The following SLC5A12 variants were observed in gnomAD, a reference collection of about 807,000 sequenced individuals.
The protein encoded by SLC5A12 is sodium-coupled monocarboxylate transporter 2.
SLC5A12 carries 46 observed loss-of-function variants against 72.7 expected under a neutral mutation model. The ratio of observed to expected loss-of-function variants is 0.63; its 90% CI spans 0.50 to 0.81. The LOEUF is 0.81. Among genes scored for constraint, SLC5A12 ranks in the 30% least tolerant of loss-of-function variants. The probability of loss-of-function intolerance (pLI) is 0.00; values close to 1 mark genes in which losing one functional copy is unlikely to be tolerated. For synonymous variants in SLC5A12, 275 were observed against 264.4 expected (o/e 1.04, Z -0.39); for missense variants, 683 against 740.7 (o/e 0.92, Z 0.90).
At chr11:26,720,361 A>G (rs1224906387) in intron 1 of SLC5A12, among the ~76,000 whole-genome samples, 1 of 137,890 alleles carries the variant, frequency 7.3e-6, no homozygotes, top group African/African-American at 2.6e-5. Flanking sequence ...AAGTAAATAA[A>G]TACATGGAAA....
At chr11:26,716,031 T>C (rs1855342034) in intron 1 of SLC5A12, among the ~76,000 whole-genome samples, 1 of 152,190 alleles carries the variant, frequency 6.6e-6, no homozygotes, top group Admixed American at 6.6e-5. Flanking sequence ...ATACAAAGAT[T>C]GGCACTAGAA....
intron 9 of SLC5A12, 83 bp from the exon 10 acceptor site, chr11:26,686,627 T>C (rs1854542062): frequency 1.6e-6 from 2 of 1,228,360 alleles, no homozygotes; most frequent in Non-Finnish European, 2.4e-6. Context: ...CTCAGAACTG[T>C]CTCTGATCCA....
chr11:26,716,558 C>T (rs1197525248), intron 1 of SLC5A12, among the ~76,000 whole-genome samples: 2 of 151,984 alleles, frequency 1.3e-5, no homozygotes, highest in East Asian at 3.9e-4. Context: ...TGACATTTAC[C>T]AACATTATGA....
At chr11:26,674,610 C>T (rs1159937896) in intron 13 of SLC5A12, among the ~76,000 whole-genome samples, 1 of 151,972 alleles carries the variant, frequency 6.6e-6, no homozygotes, top group Admixed American at 6.6e-5. Flanking sequence ...ACCATGTTGG[C>T]CAAGCTGGTC....
chr11:26,701,695 T>A (rs1182765680), intron 6 of SLC5A12, among the ~76,000 whole-genome samples: 1 of 152,172 alleles, frequency 6.6e-6, no homozygotes, highest in African/African-American at 2.4e-5. Context: ...AACAATAAGT[T>A]CATTGGTGGC....
intron 13 of SLC5A12, 50 bp downstream of exon 13, chr11:26,678,662 T>A: frequency 4.5e-6 from 6 of 1,340,606 alleles, no homozygotes; most frequent in Non-Finnish European, 5.3e-6. Context: ...CACCAATGCA[T>A]GCATGAGCCC....
intron 9 of SLC5A12, among the ~76,000 whole-genome samples, chr11:26,686,794 T>G (rs565742838): frequency 1.3e-5 from 2 of 152,276 alleles, no homozygotes; most frequent in South Asian, 4.1e-4. Context: ...TCAAGGGTTA[T>G]CCTTCTAAGC....
Position 26,678,718 on chromosome 11 carries a change from T to C in SLC5A12, c.1573A>G (p.Ile525Val), listed in dbSNP as rs199733977. The C allele has an allele frequency of 4.3e-5, 69 of 1,611,814 alleles. 1 individual carries two copies. The highest frequency in any genetic ancestry group is 3.3e-4 in the Middle Eastern group (2 of 6,064). ...GGGAGGAATTATAACCAACCTGTTA[T>C]GAGGCTGATGATTACTCCAGCAACA... ...CIVAGVIISL[I>V]TGRQRGEDIQ... Residue 525 changes from isoleucine (I) to valine (V), a missense_variant, in exon 13 of 15, where the codon ATA becomes GTA. By Grantham distance (29) the Ile-to-Val change is conservative (BLOSUM62 3). Coordinates refer to ENST00000396005, the MANE Select transcript of SLC5A12 (RefSeq NM_178498.4).
Position 26,671,213 on chromosome 11 carries a change from A to G in SLC5A12, c.1746T>C (p.Ala582=). ...LENGSARKQG[A]ESVLQNGLRR... ...TGAGTCCGTTCTGTAAGACAGATTC[A>G]GCCCCCTGTTTCCGGGCACTGCCAT... Residue 582 remains alanine, a synonymous_variant, in exon 15 of 15, where the codon GCT becomes GCC. Transcript: ENST00000396005. The G allele has an allele frequency of 6.2e-7, 1 of 1,607,272 alleles. No homozygotes were observed. The highest frequency in any genetic ancestry group is 1.1e-5 in the South Asian group (1 of 89,874).
chr11:26,671,778 T>C (rs4619108), intron 14 of SLC5A12, among the ~76,000 whole-genome samples: 43,117 of 152,078 alleles, frequency 0.28, 6,313 homozygotes, highest in East Asian at 0.46. Context: ...TAATTAAGTT[T>C]ATTATTTATT....
intron 13 of SLC5A12, among the ~76,000 whole-genome samples, chr11:26,673,927 G>A (rs951414828): frequency 2.6e-5 from 4 of 152,182 alleles, no homozygotes; most frequent in East Asian, 1.9e-4. Context: ...GTCAGTATTT[G>A]TAAAATTAGA....
chr11:26,674,262 T>C (rs1419384622), intron 13 of SLC5A12, among the ~76,000 whole-genome samples: 5 of 152,022 alleles, frequency 3.3e-5, no homozygotes, highest in African/African-American at 1.2e-4. Context: ...GTCAGTGTAG[T>C]GTAAAGATCC....
At chr11:26,674,484 C>T (rs370485463) in intron 13 of SLC5A12, among the ~76,000 whole-genome samples, 130 of 152,186 alleles carry the variant, frequency 8.5e-4, no homozygotes, top group African/African-American at 3.1e-3. Flanking sequence ...AATGCAACCT[C>T]CGTCTCCCGG....
chr11:26,703,545 T>C lies in SLC5A12; in HGVS notation c.807A>G (p.Glu269=), dbSNP rs773478581. 6.8e-6 allele frequency: 11 copies of C among 1,613,592 alleles called. No homozygotes were observed. The highest frequency in any genetic ancestry group is 1.3e-5 in the African/African-American group (1 of 74,886). The stretch of plus-strand genomic sequence containing the variant: ...TGAGAACTTACAGCTTAGCATGCTT[T>C]TCTGTTTTGCAAGAGATGCATCGCT... The part of the protein sequence containing the change: ...TIQRCISCKT[E]KHAKLALYFN... Residue 269 remains glutamate (E), a synonymous_variant, in exon 6 of 15, where the codon GAA becomes GAG. Coordinates refer to ENST00000396005, the MANE Select transcript of SLC5A12 (RefSeq NM_178498.4).
intron 9 of SLC5A12, 122 bp downstream of exon 9, chr11:26,692,367 T>A: frequency 1.5e-6 from 1 of 680,826 alleles, no homozygotes; most frequent in Non-Finnish European, 2.7e-6. Flanking sequence ...TGTGGGATTC[T>A]TCACATATCT....
chr11:26,670,927 C>G lies in SLC5A12; in HGVS notation c.*175G>C. On this transcript the variant is annotated 3_prime_UTR_variant, in exon 15 of 15. Coordinates refer to ENST00000396005, the MANE Select transcript of SLC5A12 (RefSeq NM_178498.4). ...AGTTGGAGTCTTTCAAAGAATATCC[C>G]GAGAGACAGTCATTTTGCATGTAGT... The G allele has an allele frequency of 1.9e-6, 1 of 518,494 alleles. No homozygotes were observed. The highest frequency in any genetic ancestry group is 3.1e-6 in the Non-Finnish European group (1 of 321,410). The allele number at this position is 518,494 out of a possible 1,614,324, so 32.1% of individuals were successfully genotyped here.
In SLC5A12 at chr11:26,671,170, G is replaced by T. The variant is rs772115933; in HGVS notation, c.1789C>A (p.His597Asn). The T allele has an allele frequency of 6.2e-7, 1 of 1,612,836 alleles. No individual in the cohort carries two copies. Among genetic ancestry groups the T allele is most frequent in the South Asian group, 1.1e-5 (1 of 90,936 alleles). Residue 597 changes from histidine to asparagine, a missense_variant, in exon 15 of 15, where the codon CAT becomes AAT. By Grantham distance (68) the His-to-Asn change is moderately conservative (BLOSUM62 1). Transcript: ENST00000396005. ...QNGLRRESLV[H>N]VPGYDPKDKS... ...TCCTTAGGATCATAGCCTGGAACAT[G>T]TACCAGGCTTTCTCTTCTGAGTCCG...
At chr11:26,708,663 G>A (rs1430692625) in intron 4 of SLC5A12, among the ~76,000 whole-genome samples, 1 of 152,016 alleles carries the variant, frequency 6.6e-6, no homozygotes, top group East Asian at 1.9e-4. Context: ...TGACTCAGAA[G>A]AATAAAGATT....
At position 26,721,813 on chromosome 11, in the gene SLC5A12, G is replaced by T; in HGVS notation, c.-99C>A. The T allele has an allele frequency of 1.0e-6, 1 of 1,002,104 alleles. No homozygotes were observed. The highest frequency in any genetic ancestry group is 1.5e-6 in the Non-Finnish European group (1 of 667,744). The allele number at this position is 1,002,104 out of a possible 1,614,324, so 62.1% of individuals were successfully genotyped here. On this transcript the variant is annotated 5_prime_UTR_variant, in exon 1 of 15. Transcript: ENST00000396005. ...AGTACAGTGGATGCTTTGCTGAGAG[G>T]AGAGACTGTGATTCCCTGAAGAAAA...
Sources: allele counts gnomAD v4.1 joint callset (sites outside exome capture counted in the v4.1 genomes callset), GRCh38; gene constraint gnomAD v4.1.1; transcripts MANE v1.5; gene names NCBI Gene and HGNC (gene_info 2026-07-23, HGNC 2026-07-21).